TMEM63C: variants seen among roughly 807,000 people sequenced by gnomAD.
TMEM63C encodes osmosensitive cation channel TMEM63C.
In TMEM63C, 32 loss-of-function variants were observed where a neutral mutation model predicts 99.2. That is an observed-to-expected ratio of 0.32 (90% CI 0.24 to 0.43). The LOEUF (loss-of-function observed/expected upper bound fraction) is 0.43, where lower values mean the gene tolerates loss of function less well. Among genes scored for constraint, TMEM63C ranks in the 20% least tolerant of loss-of-function variants. The pLI is 1.00. For synonymous variants in TMEM63C, 376 were observed against 397.9 expected (o/e 0.94, Z 0.66); for missense variants, 826 against 1,053.0 (o/e 0.78, Z 2.98).
chr14:77,185,967 T>G (rs1253075678), intron 1 of TMEM63C, among the ~76,000 whole-genome samples: 1 of 151,396 alleles, frequency 6.6e-6, no homozygotes, highest in Non-Finnish European at 1.5e-5. Flanking sequence ...GCTTGCTGAG[T>G]GGCCAGCTGT....
Position 77,239,275 on chromosome 14 carries a change from C to G in TMEM63C, c.726-137C>G, listed in dbSNP as rs1048144405. ...AAACCCTGAGGTTCAGCTTTAGGAG[C>G]AGAGATGGAGTATCCCATCCAGGAA... On this transcript the variant is annotated intron_variant, in intron 10 of 23. Transcript: ENST00000298351. 1.4e-5 allele frequency: 11 copies of G among 784,408 alleles called. No individual in the cohort carries two copies. The African/African-American group carries it at 1.6e-4, about 11-fold the overall frequency. The allele number at this position is 784,408 out of a possible 1,614,324, so 48.6% of individuals were successfully genotyped here.
At position 77,215,689 on chromosome 14, in the gene TMEM63C, G is replaced by A. The variant is rs558138550; in HGVS notation, c.-14+2181G>A. On this transcript the variant is annotated intron_variant, in intron 2 of 23. Coordinates refer to ENST00000298351, the MANE Select transcript of TMEM63C (RefSeq NM_020431.4). ...CACTGGCTGCCGCCGCCACTCCTGG[G>A]ACCAGCCAGCACCTGAGCATGTGTG... Among the ~76,000 whole-genome samples, 8 of 151,870 alleles carry A rather than the reference G, an allele frequency of 5.3e-5. No homozygotes were observed. The South Asian group carries it at 1.7e-3, about 32-fold the overall frequency.
intron 23 of TMEM63C, among the ~76,000 whole-genome samples, chr14:77,256,014 C>G (rs1221186020): frequency 2.6e-5 from 4 of 152,226 alleles, no homozygotes; most frequent in Non-Finnish European, 5.9e-5. Context: ...GTTTTTCTAT[C>G]TGCTGCCGTC....
chr14:77,237,585 G>A (rs902177157), intron 9 of TMEM63C, among the ~76,000 whole-genome samples: 2 of 152,242 alleles, frequency 1.3e-5, no homozygotes, highest in African/African-American at 2.4e-5. Context: ...GTGAGCAATC[G>A]TGGGTATTTT....
At chr14:77,245,868 C>T in intron 16 of TMEM63C, 72 bp from the exon 17 acceptor site, 1 of 1,101,998 alleles carries the variant, frequency 9.1e-7, no homozygotes, top group Non-Finnish European at 1.4e-6. Flanking sequence ...CTCTTCCTCT[C>T]TATTACATAG....
chr14:77,245,890 G>C, intron 16 of TMEM63C, 50 bp from the exon 17 acceptor site: 1 of 1,417,670 alleles, frequency 7.1e-7, no homozygotes, highest in Non-Finnish European at 1.0e-6. Context: ...TAGGCCTTTG[G>C]TTCTTATTAG....
intron 1 of TMEM63C, among the ~76,000 whole-genome samples, chr14:77,187,859 C>G (rs1429814256): frequency 6.6e-6 from 1 of 152,244 alleles, no homozygotes; most frequent in Non-Finnish European, 1.5e-5. Flanking sequence ...ATTGAAGGCT[C>G]ATCTTGGAGT....
At chr14:77,194,553 C>CTTTTTTTCTTTT (rs56115104) in intron 1 of TMEM63C, among the ~76,000 whole-genome samples, 1 of 125,048 alleles carries the variant, frequency 8.0e-6, no homozygotes, top group African/African-American at 3.2e-5. Flanking sequence ...TTCTTTCTTT[C>CTTTTTTTCTTTT]TCTTTCTTTC....
chr14:77,240,912 A>T (rs1379261642), intron 13 of TMEM63C, among the ~76,000 whole-genome samples: 4 of 148,078 alleles, frequency 2.7e-5, no homozygotes, highest in Non-Finnish European at 6.0e-5. Context: ...GACAAGAATG[A>T]CATCCCTTTT....
Position 77,257,711 on chromosome 14 carries a change from G to C in TMEM63C, c.*985G>C, listed in dbSNP as rs1054117962. On this transcript the variant is annotated 3_prime_UTR_variant, in exon 24 of 24. Transcript: ENST00000298351. ...TGGGCCCCCAGCTTGGCCAAGATGGGCAGTACGTTAGGGTAAGAACCCCAT... is the reference window on the plus strand; with the variant it reads ...TGGGCCCCCAGCTTGGCCAAGATGGCCAGTACGTTAGGGTAAGAACCCCAT... 3.9e-5 allele frequency: 6 copies of C among 152,224 alleles called. No individual in the cohort carries two copies. The highest frequency in any genetic ancestry group is 1.4e-4 in the African/African-American group (6 of 41,440). 9.4% of individuals were successfully genotyped at this position (152,224 alleles called of 1,614,324 possible).
Position 77,257,813 on chromosome 14 carries a change from C to A in TMEM63C, c.*1087C>A. On this transcript the variant is annotated 3_prime_UTR_variant, in exon 24 of 24. Coordinates refer to ENST00000298351, the MANE Select transcript of TMEM63C (RefSeq NM_020431.4). Reference sequence around the variant, plus strand: ...TCCCTTCTCGGGGCTGCCCCTGCACCCTGCCTTGAAGACCACCCAAGCGGC... The same window carrying A: ...TCCCTTCTCGGGGCTGCCCCTGCACACTGCCTTGAAGACCACCCAAGCGGC... The A allele has an allele frequency of 6.6e-6, 1 of 152,644 alleles. No homozygotes were observed. Among genetic ancestry groups the A allele is most frequent in the Non-Finnish European group, 1.5e-5 (1 of 68,312 alleles). 9.5% of individuals were successfully genotyped at this position (152,644 alleles called of 1,614,324 possible).
rs752667358 is a variant in TMEM63C at position 77,239,396 on chromosome 14, A to G, written c.726-16A>G. ...AACCCCACAGGCCGACTCAGCACCC[A>G]TGTTTGTGGCTGCAGCGAGGCCTAT... is the stretch of plus-strand genomic sequence containing the variant. On this transcript the variant is annotated splice_polypyrimidine_tract_variant and intron_variant, in intron 10 of 23. Transcript: ENST00000298351. 6.2e-7 allele frequency: 1 copy of G among 1,613,260 alleles called. No individual in the cohort carries two copies. The highest frequency in any genetic ancestry group is 8.5e-7 in the Non-Finnish European group (1 of 1,179,716).
At chr14:77,194,745 T>C (rs1448112204) in intron 1 of TMEM63C, among the ~76,000 whole-genome samples, 10 of 151,606 alleles carry the variant, frequency 6.6e-5, no homozygotes, top group Admixed American at 6.6e-4. Flanking sequence ...AGCTAATTTT[T>C]TTTTTTTTGT....
At chr14:77,206,666 G>A (rs1407446165) in intron 1 of TMEM63C, among the ~76,000 whole-genome samples, 2 of 152,194 alleles carry the variant, frequency 1.3e-5, no homozygotes. Context: ...AAGTCTGAGT[G>A]GGAGCTGATC....
At position 77,249,385 on chromosome 14, in the gene TMEM63C, T is replaced by G. The variant is rs1388065855; in HGVS notation, c.1965T>G (p.Ala655=). 2 of 1,613,916 alleles carry G rather than the reference T, an allele frequency of 1.2e-6. No individual in the cohort carries two copies. Among genetic ancestry groups the G allele is most frequent in the Non-Finnish European group, 1.7e-6 (2 of 1,179,900 alleles). The change falls in exon 21 of 24, where the codon GCT becomes GCG. Residue 655 remains alanine, a synonymous_variant. Transcript: ENST00000298351. ...PTKLNEQIHM[A]AVSQAIFAPL... is the part of the protein sequence containing the mutation. Reference sequence around the variant, plus strand: ...AACTGAACGAGCAGATCCACATGGCTGCCGTCTCCCAGGCCATCTTTGCGC... The same window carrying G: ...AACTGAACGAGCAGATCCACATGGCGGCCGTCTCCCAGGCCATCTTTGCGC...
At chr14:77,208,783 A>G (rs1323032938) in intron 1 of TMEM63C, among the ~76,000 whole-genome samples, 1 of 152,214 alleles carries the variant, frequency 6.6e-6, no homozygotes, top group African/African-American at 2.4e-5. Context: ...TGTTATTCTT[A>G]TTCTTGGGCT....
intron 20 of TMEM63C, 112 bp from the exon 21 acceptor site, chr14:77,249,179 G>C (rs1416976134): frequency 1.7e-6 from 2 of 1,180,750 alleles, no homozygotes; most frequent in African/African-American, 3.0e-5. Flanking sequence ...ATCCTTGGTT[G>C]TTGTGACTCT....
At chr14:77,208,983 C>T (rs1482292734) in intron 1 of TMEM63C, among the ~76,000 whole-genome samples, 1 of 152,088 alleles carries the variant, frequency 6.6e-6, no homozygotes, top group Admixed American at 6.5e-5. Context: ...AATCCTCTCA[C>T]CCCATGCTGA....
chr14:77,230,157 G>A lies in TMEM63C; in HGVS notation c.351-1431G>A, dbSNP rs182977426. Among the ~76,000 whole-genome samples, 280 of 151,474 alleles carry A rather than the reference G, an allele frequency of 1.8e-3. 1 individual carries two copies. Among genetic ancestry groups the A allele is most frequent in the African/African-American group, 6.3e-3 (260 of 41,240 alleles). On this transcript the variant is annotated intron_variant, in intron 6 of 23. Transcript: ENST00000298351. The stretch of plus-strand genomic sequence containing the variant: ...GAGGAGGTTGCAGTGAGCCAAGATC[G>A]TGCCACTGCCCTCCAGCCTGGGCAA...
Sources: gnomAD v4.1 joint callset for allele counts (sites outside exome capture counted in the v4.1 genomes callset) on GRCh38, gnomAD v4.1.1 for gene constraint, MANE v1.5 for transcripts, NCBI Gene and HGNC (gene_info 2026-07-23, HGNC 2026-07-21) for gene names.